ST18: variants seen among roughly 807,000 people sequenced by gnomAD.
ST18 encodes the protein ST18 C2H2C-type zinc finger transcription factor.
ST18 carries 50 observed loss-of-function variants against 110.0 expected under a neutral mutation model. The observed-to-expected ratio is 0.45, with a 90% CI of 0.36 to 0.58. The LOEUF (loss-of-function observed/expected upper bound fraction) is 0.58, where lower values mean the gene tolerates loss of function less well. Among genes scored for constraint, ST18 ranks in the 20% least tolerant of loss-of-function variants. The probability of loss-of-function intolerance (pLI) is 0.00; values close to 1 mark genes in which losing one functional copy is unlikely to be tolerated. For synonymous variants in ST18, 461 were observed against 452.4 expected, an observed-to-expected ratio of 1.02 and a Z score of -0.24; for missense variants, 1,306 against 1,280.1, an observed-to-expected ratio of 1.02 and a Z score of -0.31.
At chr8:52,401,142 T>C (rs957013335) in intron 2 of ST18, among the ~76,000 whole-genome samples, 13 of 152,198 alleles carry the variant, frequency 8.5e-5, no homozygotes, top group African/African-American at 3.1e-4. Context: ...TTTAAGTATA[T>C]TTCTCCCTTC....
intron 21 of ST18, 43 bp from the exon 22 acceptor site, chr8:52,132,222 T>C (rs903172093): frequency 6.5e-7 from 1 of 1,537,314 alleles, no homozygotes; most frequent in Admixed American, 1.8e-5. Flanking sequence ...AAGAAGGCAG[T>C]GATAGTCCTA....
intron 8 of ST18, among the ~76,000 whole-genome samples, chr8:52,210,637 G>C (rs2081867901): frequency 6.6e-6 from 1 of 151,864 alleles, no homozygotes; most frequent in Non-Finnish European, 1.5e-5. Context: ...CAGCCTGGGA[G>C]ACAGAGTGAG....
intron 15 of ST18, among the ~76,000 whole-genome samples, chr8:52,153,027 C>A (rs1286346662): frequency 6.6e-6 from 1 of 152,150 alleles, no homozygotes; most frequent in South Asian, 2.1e-4. Context: ...AAGGAAAACA[C>A]AAAAGTGATT....
intron 5 of ST18, among the ~76,000 whole-genome samples, chr8:52,219,721 A>G (rs2085893782): frequency 6.6e-6 from 1 of 152,182 alleles, no homozygotes; most frequent in Non-Finnish European, 1.5e-5. Context: ...GTGTAGGCAC[A>G]TTCCCCCCAG....
chr8:52,398,824 G>C (rs999504755), intron 2 of ST18, among the ~76,000 whole-genome samples: 1 of 152,056 alleles, frequency 6.6e-6, no homozygotes, highest in Non-Finnish European at 1.5e-5. Context: ...TTGATGCATT[G>C]CTGAATTGAG....
At chr8:52,281,589 C>T (rs1322217975) in intron 2 of ST18, among the ~76,000 whole-genome samples, 1 of 152,132 alleles carries the variant, frequency 6.6e-6, no homozygotes, top group African/African-American at 2.4e-5. Context: ...TCAGAATGAT[C>T]TAGATAGCTA....
intron 2 of ST18, among the ~76,000 whole-genome samples, chr8:52,238,672 A>C (rs1325650828): frequency 6.6e-6 from 1 of 152,070 alleles, no homozygotes; most frequent in Non-Finnish European, 1.5e-5. Flanking sequence ...ATGGAATACT[A>C]CTCAACCATA....
chr8:52,132,266 G>C, intron 21 of ST18, 87 bp from the exon 22 acceptor site: 1 of 1,198,730 alleles, frequency 8.3e-7, no homozygotes, highest in Non-Finnish European at 1.1e-6. Flanking sequence ...CAATTATAGA[G>C]TTTTAATAAA....
intron 2 of ST18, among the ~76,000 whole-genome samples, chr8:52,295,947 C>T (rs2095629722): frequency 6.6e-6 from 1 of 151,848 alleles, no homozygotes; most frequent in African/African-American, 2.4e-5. Flanking sequence ...AGGGGAGCAG[C>T]TGCATGGGAT....
intron 23 of ST18, among the ~76,000 whole-genome samples, chr8:52,118,782 C>T (rs539526807): frequency 2.0e-5 from 3 of 152,038 alleles, no homozygotes; most frequent in East Asian, 1.9e-4. Context: ...ATGAAGACAC[C>T]GAGCCCAGAG....
At chr8:52,120,028 C>T (rs924367650) in intron 23 of ST18, among the ~76,000 whole-genome samples, 1 of 152,124 alleles carries the variant, frequency 6.6e-6, no homozygotes, top group Non-Finnish European at 1.5e-5. Flanking sequence ...CCAACAGTTA[C>T]CCAGGACCAT....
At position 52,161,455 on chromosome 8, in the gene ST18, G is replaced by C. The variant is rs138273457; in HGVS notation, c.1514C>G (p.Ala505Gly). The change falls in exon 14 of 26, where the codon GCC becomes GGC. Residue 505 changes from alanine (A) to glycine (G), a missense_variant. Transcript: ENST00000689386. ...EKFGKVPFDY[A>G]SFDAQVFGKR... ...ACCGAAAACTTGGGCATCAAAACTG[G>C]CATAATCAAATGGTACTTTTCCAAA... 1 of 1,614,044 alleles carries C rather than the reference G, an allele frequency of 6.2e-7. No individual in the cohort carries two copies. The highest frequency in any genetic ancestry group is 1.3e-5 in the African/African-American group (1 of 74,908).
At chr8:52,320,391 A>G (rs1018362879) in intron 2 of ST18, among the ~76,000 whole-genome samples, 3 of 152,108 alleles carry the variant, frequency 2.0e-5, no homozygotes, top group African/African-American at 7.2e-5. Context: ...TTTTTTTACC[A>G]CAAATAAATA....
chr8:52,155,724 A>G (rs917319306), intron 15 of ST18, among the ~76,000 whole-genome samples: 1 of 152,140 alleles, frequency 6.6e-6, no homozygotes, highest in African/African-American at 2.4e-5. Context: ...CCCTCTGAAA[A>G]CAACCTCTGC....
intron 2 of ST18, among the ~76,000 whole-genome samples, chr8:52,264,115 T>G (rs940344785): frequency 2.6e-5 from 4 of 152,180 alleles, no homozygotes; most frequent in Non-Finnish European, 5.9e-5. Context: ...CATAGATTTT[T>G]TATAAGTGAA....
chr8:52,113,245 C>T lies in ST18; in HGVS notation c.3097G>A (p.Ala1033Thr). ...GCCTGTTTGATACTTTCCAGTAGAG[C>T]TTTGCATTCCGGGGAATAGTCCCGT... Reference protein sequence around the residue: ...LERDYSPECKALLESIKQAVK... With the variant: ...LERDYSPECKTLLESIKQAVK... The change falls in exon 26 of 26, where the codon GCT becomes ACT. Residue 1033 changes from alanine to threonine, a missense_variant. Coordinates refer to ENST00000689386, the MANE Select transcript of ST18 (RefSeq NM_001352837.2). The T allele has an allele frequency of 6.2e-7, 1 of 1,614,134 alleles. No homozygotes were observed. Among genetic ancestry groups the T allele is most frequent in the East Asian group, 2.2e-5 (1 of 44,882 alleles).
rs2095665697 is a variant in ST18, at chr8:52,298,385, A to T, written c.-464-68308T>A. On this transcript the variant is annotated intron_variant, in intron 2 of 25. Transcript: ENST00000689386. ...ATGTTTCTGAAGAATATTTGATGACATGGAAAAAGCCTCATTTTATGGTCA... is the reference window on the plus strand; with the variant it reads ...ATGTTTCTGAAGAATATTTGATGACTTGGAAAAAGCCTCATTTTATGGTCA... Among the ~76,000 whole-genome samples the T allele has an allele frequency of 1.3e-5, 2 of 152,222 alleles. 1 individual carries two copies. The highest frequency in any genetic ancestry group is 2.9e-5 in the Non-Finnish European group (2 of 68,034).
chr8:52,113,193 T>C lies in ST18; in HGVS notation c.*5A>G. On this transcript the variant is annotated 3_prime_UTR_variant, in exon 26 of 26. Transcript: ENST00000689386. ...TAACTTCTGTTGCCCGGCAGCGCTG[T>C]GATCCTACACATGGATACCCTTCAC... The C allele has an allele frequency of 6.2e-7, 1 of 1,613,852 alleles. No homozygotes were observed. The highest frequency in any genetic ancestry group is 1.1e-5 in the South Asian group (1 of 91,054).
rs1256904868 is a variant in ST18 at position 52,332,540 on chromosome 8, T to C, written c.-465+76788A>G. 2.7e-5 allele frequency among the ~76,000 whole-genome samples: 4 copies of C among 146,124 alleles called. 1 individual carries two copies. Among genetic ancestry groups the C allele is most frequent in the East Asian group, 3.9e-4 (2 of 5,074 alleles). On this transcript the variant is annotated intron_variant, in intron 2 of 25. Coordinates refer to ENST00000689386, the MANE Select transcript of ST18 (RefSeq NM_001352837.2). ...GAGCATCTAATGTAGCTTTTTTTTTTTTTTTTTTTTTTTTTTTTAACTAAA... is the reference window on the plus strand; with the variant it reads ...GAGCATCTAATGTAGCTTTTTTTTTCTTTTTTTTTTTTTTTTTTAACTAAA...
Sources: gnomAD v4.1 joint callset for allele counts (sites outside exome capture counted in the v4.1 genomes callset) on GRCh38, gnomAD v4.1.1 for gene constraint, MANE v1.5 for transcripts, NCBI Gene and HGNC (gene_info 2026-07-23, HGNC 2026-07-21) for gene names.